The following SUGCT variants were observed in gnomAD, a reference collection of about 807,000 sequenced individuals.
SUGCT encodes the protein succinyl-CoA:glutarate CoA-transferase.
Under a neutral mutation model 55.0 loss-of-function variants are expected in SUGCT, and 41 were observed. The ratio of observed to expected loss-of-function variants is 0.74; its 90% CI spans 0.58 to 0.97. SUGCT has a LOEUF of 0.97. SUGCT is among the 50% of genes least tolerant of loss of function. The pLI, the probability that SUGCT is intolerant of heterozygous loss-of-function variation, is 0.00. For synonymous variants in SUGCT, 187 were observed against 200.4 expected, an observed-to-expected ratio of 0.93 and a Z score of 0.56; for missense variants, 568 against 547.8, an observed-to-expected ratio of 1.04 and a Z score of -0.37.
chr7:40,516,037 C>A (rs1359901450), intron 12 of SUGCT, among the ~76,000 whole-genome samples: 1 of 151,802 alleles, frequency 6.6e-6, no homozygotes, highest in Non-Finnish European at 1.5e-5. Context: ...CTTTTCATTT[C>A]TTTTTAATAT....
the SUGCT span, among the ~76,000 whole-genome samples, chr7:40,950,564 GC>G: frequency 5.3e-5 from 8 of 151,994 alleles, no homozygotes; most frequent in Non-Finnish European, 1.2e-4. Context: ...TCCCATTTTC[GC>G]CCATTCAGTA....
At chr7:40,195,156 TGGAAGTTATTCTG>T in intron 6 of SUGCT, 96 bp downstream of exon 6, 1 of 1,059,274 alleles carries the variant, frequency 9.4e-7, no homozygotes, top group Non-Finnish European at 1.3e-6. Context: ...TTTTTTTTTT[TGGAAGTTATTCTG>T]TTTTCCTTTT....
chr7:40,246,171 C>T (rs1221664536), intron 7 of SUGCT, among the ~76,000 whole-genome samples: 2 of 152,136 alleles, frequency 1.3e-5, no homozygotes, highest in Non-Finnish European at 2.9e-5. Flanking sequence ...AATACTACCT[C>T]CTCCAGAGAT....
chr7:40,801,661 A>G (rs756304709), intron 13 of SUGCT, among the ~76,000 whole-genome samples: 52 of 152,196 alleles, frequency 3.4e-4, no homozygotes, highest in Non-Finnish European at 2.9e-4. Flanking sequence ...AGCAGATGGC[A>G]GTGTGTATTT....
At chr7:40,955,876 A>G in the SUGCT span, among the ~76,000 whole-genome samples, 3 of 152,108 alleles carry the variant, frequency 2.0e-5, no homozygotes, top group East Asian at 1.9e-4. Context: ...TTCTGCATCT[A>G]TTGAGATAAT....
the SUGCT span, among the ~76,000 whole-genome samples, chr7:40,978,763 C>T: frequency 1.3e-5 from 2 of 152,094 alleles, no homozygotes; most frequent in South Asian, 4.1e-4. Context: ...TGACATGTTC[C>T]AGGAACCAAA....
chr7:40,971,325 C>T, the SUGCT span, among the ~76,000 whole-genome samples: 1 of 152,156 alleles, frequency 6.6e-6, no homozygotes, highest in Non-Finnish European at 1.5e-5. Flanking sequence ...TCCCACCAGG[C>T]ACCACCTCCA....
At chr7:40,441,472 TA>T (rs1179021808) in intron 9 of SUGCT, among the ~76,000 whole-genome samples, 2 of 152,076 alleles carry the variant, frequency 1.3e-5, no homozygotes, top group Non-Finnish European at 2.9e-5. Flanking sequence ...CAAAACAAAC[TA>T]AAAAAACCCC....
At chr7:40,700,282 G>C (rs551049433) in intron 12 of SUGCT, among the ~76,000 whole-genome samples, 1 of 152,116 alleles carries the variant, frequency 6.6e-6, no homozygotes, top group Non-Finnish European at 1.5e-5. Context: ...TCCCATCTTA[G>C]GACTGGAGAT....
chr7:40,522,683 A>G (rs1361376574), intron 12 of SUGCT, among the ~76,000 whole-genome samples: 3 of 152,120 alleles, frequency 2.0e-5, no homozygotes, highest in Non-Finnish European at 2.9e-5. Flanking sequence ...CCATCCAGGC[A>G]GTAGCTAGAC....
At chr7:40,892,409 A>G in the SUGCT span, among the ~76,000 whole-genome samples, 1 of 152,246 alleles carries the variant, frequency 6.6e-6, no homozygotes, top group Non-Finnish European at 1.5e-5. Context: ...ATGAACATTT[A>G]TCAAATCACA....
chr7:40,267,835 T>C (rs1791704746), intron 7 of SUGCT, among the ~76,000 whole-genome samples: 1 of 152,214 alleles, frequency 6.6e-6, no homozygotes. Context: ...ATGATAGGAA[T>C]ATATTTATAA....
intron 12 of SUGCT, among the ~76,000 whole-genome samples, chr7:40,560,298 CAT>C (rs1795771041): frequency 6.6e-6 from 1 of 152,138 alleles, no homozygotes; most frequent in African/African-American, 2.4e-5. Context: ...ATGTGCACAT[CAT>C]GTACACATGC....
chr7:40,554,139 ATGT>A (rs1336624975), intron 12 of SUGCT, among the ~76,000 whole-genome samples: 1 of 152,242 alleles, frequency 6.6e-6, no homozygotes, highest in Non-Finnish European at 1.5e-5. Context: ...TCAGCAATAA[ATGT>A]TGTAAGGCAT....
In SUGCT at chr7:40,671,091, A is replaced by G. The variant is rs1312354314; in HGVS notation, c.1090-78343A>G. 2.0e-5 allele frequency among the ~76,000 whole-genome samples: 3 copies of G among 152,206 alleles called. No individual in the cohort carries two copies. The East Asian group carries it at 5.8e-4, about 29-fold the overall frequency. ...CAGGGTGCAAGTTACAATGCTTGAAAACCAAATGTTATCTATGTCTTGCTC... is the reference window on the plus strand; with the variant it reads ...CAGGGTGCAAGTTACAATGCTTGAAGACCAAATGTTATCTATGTCTTGCTC... On this transcript the variant is annotated intron_variant, in intron 12 of 13. Coordinates refer to ENST00000335693, the MANE Select transcript of SUGCT (RefSeq NM_001193313.2).
chr7:40,151,854 G>A (rs548805981), intron 1 of SUGCT: 1 of 152,358 alleles, frequency 6.6e-6, no homozygotes, highest in African/African-American at 2.4e-5. Context: ...AAAATTTGGA[G>A]ACTGAGGTTT....
chr7:40,496,908 T>C (rs975393076), intron 12 of SUGCT, among the ~76,000 whole-genome samples: 4 of 138,488 alleles, frequency 2.9e-5, no homozygotes, highest in African/African-American at 8.8e-5. Context: ...TTGTAAGGCA[T>C]AAATTTTACA....
chr7:40,946,332 G>A, the SUGCT span, among the ~76,000 whole-genome samples: 4 of 152,216 alleles, frequency 2.6e-5, no homozygotes, highest in East Asian at 3.9e-4. Flanking sequence ...AGGTCAGGTC[G>A]GGGCTGAGAC....
chr7:40,254,155 T>C (rs555791151), intron 7 of SUGCT, among the ~76,000 whole-genome samples: 16 of 152,316 alleles, frequency 1.1e-4, no homozygotes, highest in African/African-American at 3.8e-4. Context: ...GTCTGTGAAA[T>C]TTATATTGGA....
Sources: allele counts gnomAD v4.1 joint callset (sites outside exome capture counted in the v4.1 genomes callset), GRCh38; gene constraint gnomAD v4.1.1; transcripts MANE v1.5; gene names NCBI Gene and HGNC (gene_info 2026-07-23, HGNC 2026-07-21).